The following DCAF7 variants were observed in gnomAD, a reference collection of about 807,000 sequenced individuals.
The protein encoded by DCAF7 is DDB1 and CUL4 associated factor 7.
A neutral mutation model predicts 41.2 loss-of-function variants in DCAF7; 4 were observed. The observed-to-expected ratio is 0.10, with a 90% CI of 0.05 to 0.22. DCAF7 has a LOEUF of 0.22. DCAF7 is among the 10% of genes least tolerant of loss of function. The pLI, the probability that DCAF7 is intolerant of heterozygous loss-of-function variation, is 1.00. For synonymous variants in DCAF7, 143 were observed against 164.2 expected (o/e 0.87, Z 0.99); for missense variants, 131 against 443.2 (o/e 0.30, Z 6.32).
intron 1 of DCAF7, among the ~76,000 whole-genome samples, chr17:63,575,466 G>A (rs1345346338): frequency 6.6e-6 from 1 of 152,214 alleles, no homozygotes. Flanking sequence ...CTGAGAGGGC[G>A]AGACAGGCAG....
intron 1 of DCAF7, among the ~76,000 whole-genome samples, chr17:63,553,667 A>T (rs1378701844): frequency 6.6e-6 from 1 of 152,230 alleles, no homozygotes; most frequent in Non-Finnish European, 1.5e-5. Flanking sequence ...CTGATGAAAA[A>T]GGCTAGAAGT....
At chr17:63,562,907 C>T (rs1357459346) in intron 1 of DCAF7, among the ~76,000 whole-genome samples, 1 of 151,876 alleles carries the variant, frequency 6.6e-6, no homozygotes, top group Non-Finnish European at 1.5e-5. Context: ...TCACTGCAGC[C>T]TCAACCTCTC....
At chr17:63,588,021 A>C (rs1270356045) in intron 6 of DCAF7, among the ~76,000 whole-genome samples, 4 of 151,200 alleles carry the variant, frequency 2.6e-5, no homozygotes, top group African/African-American at 9.7e-5. Flanking sequence ...TGAGCACATT[A>C]CGAATCACTT....
At position 63,583,718 on chromosome 17, in the gene DCAF7, A is replaced by G. The variant is rs1260590264; in HGVS notation, c.738+7A>G. On this transcript the variant is annotated splice_region_variant and intron_variant, in intron 5 of 6. Transcript: ENST00000614556. ...GGCCATGGATGGAATGGAGGTGAGC[A>G]CTCCTCTCAGGCTACCATGGGCCCT... 1 of 1,612,950 alleles carries G rather than the reference A, an allele frequency of 6.2e-7. No individual in the cohort carries two copies. Among genetic ancestry groups the G allele is most frequent in the African/African-American group, 1.3e-5 (1 of 74,824 alleles).
intron 1 of DCAF7, among the ~76,000 whole-genome samples, chr17:63,570,248 G>A (rs928223023): frequency 6.6e-6 from 1 of 152,002 alleles, no homozygotes; most frequent in African/African-American, 2.4e-5. Flanking sequence ...GAGCTCAGGA[G>A]TTCCAGACCA....
At position 63,593,648 on chromosome 17, in the gene DCAF7, A is replaced by G. The variant is rs2033756694; in HGVS notation, c.*4476A>G. The stretch of plus-strand genomic sequence containing the variant: ...TCTCACCTTGGGTTGATTGTGGTAT[A>G]CCATGTGTTATGAAAATTGTTGAGC... On this transcript the variant is annotated 3_prime_UTR_variant, in exon 7 of 7. Transcript: ENST00000614556. The G allele has an allele frequency of 6.6e-6, 1 of 152,654 alleles. No homozygotes were observed. The highest frequency in any genetic ancestry group is 1.5e-5 in the Non-Finnish European group (1 of 68,040). 9.5% of individuals were successfully genotyped at this position (152,654 alleles called of 1,614,324 possible). A position where few individuals can be genotyped will look rare whatever the true frequency, so the allele number is the denominator to read the frequency against.
rs1364832110 is a variant in DCAF7 at position 63,563,848 on chromosome 17, AT to A, written c.138+13034del. ...AAATAAATAAATAAATAAATAAATA[AT>A]AAAAATAAGTAGCGGCAAGTAAGAG... On this transcript the variant is annotated intron_variant, in intron 1 of 6. Transcript: ENST00000614556. Among the ~76,000 whole-genome samples, 4 of 151,928 alleles carry A rather than the reference AT, an allele frequency of 2.6e-5. No individual in the cohort carries two copies. In the East Asian group the frequency reaches 7.7e-4, roughly 29 times the overall value.
intron 6 of DCAF7, among the ~76,000 whole-genome samples, chr17:63,587,098 T>C (rs1027558753): frequency 2.6e-5 from 4 of 152,212 alleles, no homozygotes; most frequent in Non-Finnish European, 5.9e-5. Flanking sequence ...GTGTTTTTTT[T>C]CTTCTCCTCA....
At chr17:63,571,530 TG>T (rs1236482298) in intron 1 of DCAF7, among the ~76,000 whole-genome samples, 1 of 152,000 alleles carries the variant, frequency 6.6e-6, no homozygotes, top group African/African-American at 2.4e-5. Flanking sequence ...ATTTTTTGTG[TG>T]TGGGGGGGCA....
chr17:63,561,822 A>T (rs1229542219), intron 1 of DCAF7, among the ~76,000 whole-genome samples: 6 of 152,138 alleles, frequency 3.9e-5, no homozygotes, highest in Non-Finnish European at 5.9e-5. Context: ...TAGAAAAAAA[A>T]TTTTTTTAAG....
chr17:63,575,571 G>A (rs1012205387), intron 1 of DCAF7, among the ~76,000 whole-genome samples: 11 of 152,020 alleles, frequency 7.2e-5, no homozygotes, highest in African/African-American at 9.7e-5. Flanking sequence ...GTGGTGGTGC[G>A]CACCTGTAGT....
At chr17:63,578,678 A>G in intron 2 of DCAF7, 50 bp downstream of exon 2, 1 of 1,610,932 alleles carries the variant, frequency 6.2e-7, no homozygotes, top group Non-Finnish European at 8.5e-7. Flanking sequence ...TCTCAGCCTC[A>G]GCTGTTAGCA....
Position 63,588,992 on chromosome 17 carries a change from G to A in DCAF7, c.857-8G>A, listed in dbSNP as rs751982669. ...GTGACCTTGCTTGCTGGCTTTCTTT[G>A]TCCCTAGCGGATGACCACCAGGCTC... On this transcript the variant is annotated splice_polypyrimidine_tract_variant and splice_region_variant and intron_variant, in intron 6 of 6. Transcript: ENST00000614556. 6.9e-6 allele frequency: 11 copies of A among 1,603,992 alleles called. No homozygotes were observed. Among genetic ancestry groups the A allele is most frequent in the Non-Finnish European group, 8.5e-6 (10 of 1,173,080 alleles).
chr17:63,584,892 G>C (rs1182166189), intron 5 of DCAF7, among the ~76,000 whole-genome samples: 1 of 152,180 alleles, frequency 6.6e-6, no homozygotes, highest in Admixed American at 6.5e-5. Context: ...CTTTGGCTGG[G>C]CTCTCATTCC....
rs1321270489 is a variant in DCAF7 at position 63,589,853 on chromosome 17, CACCTT to C, written c.*682_*686del. The C allele has an allele frequency of 1.3e-5, 2 of 153,726 alleles. No homozygotes were observed. The highest frequency in any genetic ancestry group is 4.8e-5 in the African/African-American group (2 of 41,444). 9.5% of individuals were successfully genotyped at this position (153,726 alleles called of 1,614,324 possible). Reference sequence around the variant, plus strand: ...TACATACCTGACCGGGAGTCCAAACCACCTTGGTGCTCTGAAGTCCACTGACTCAT... The same window carrying C: ...TACATACCTGACCGGGAGTCCAAACCGGTGCTCTGAAGTCCACTGACTCAT... On this transcript the variant is annotated 3_prime_UTR_variant, in exon 7 of 7. Transcript: ENST00000614556.
chr17:63,573,622 T>C (rs2033530637), intron 1 of DCAF7, among the ~76,000 whole-genome samples: 1 of 151,414 alleles, frequency 6.6e-6, no homozygotes, highest in Non-Finnish European at 1.5e-5. Flanking sequence ...CCCAGCTACT[T>C]GGGAGGCTGA....
intron 1 of DCAF7, among the ~76,000 whole-genome samples, chr17:63,570,228 C>T (rs2033490927): frequency 6.6e-6 from 1 of 151,886 alleles, no homozygotes. Context: ...CCAATGCAGG[C>T]AGATTGCTTG....
At position 63,551,311 on chromosome 17, in the gene DCAF7, C is replaced by CCT. The variant is rs201767232; in HGVS notation, c.138+497_138+498insTC. 2.8e-3 allele frequency among the ~76,000 whole-genome samples: 418 copies of CCT among 148,524 alleles called. 11 individuals carry two copies. The East Asian group carries it at 0.06, about 21-fold the overall frequency. On this transcript the variant is annotated intron_variant, in intron 1 of 6. Transcript: ENST00000614556. ...GCTTCCCCGCCCCCTACTCCCACCC[C>CCT]CCCCGGGTACTCATGGATCCTAGCC...
In DCAF7 at chr17:63,589,420, C is replaced by T. The variant is rs1007332072; in HGVS notation, c.*248C>T. On this transcript the variant is annotated 3_prime_UTR_variant, in exon 7 of 7. Transcript: ENST00000614556. The stretch of plus-strand genomic sequence containing the variant: ...AAGATTTTCTCTCCTTTCCTCTTCT[C>T]CTTTGGTTCCTCAATTAAAAAATGT... 12 of 555,276 alleles carry T rather than the reference C, an allele frequency of 2.2e-5. 1 individual carries two copies. The highest frequency in any genetic ancestry group is 1.3e-4 in the African/African-American group (7 of 52,672). 34.4% of individuals were successfully genotyped at this position (555,276 alleles called of 1,614,324 possible). A position where few individuals can be genotyped will look rare whatever the true frequency, so the allele number is the denominator to read the frequency against.
Sources: gnomAD v4.1 joint callset for allele counts (sites outside exome capture counted in the v4.1 genomes callset) on GRCh38, gnomAD v4.1.1 for gene constraint, MANE v1.5 for transcripts, NCBI Gene and HGNC (gene_info 2026-07-23, HGNC 2026-07-21) for gene names.